Variants in PRKD1 observed in about 807,000 individuals in gnomAD.
PRKD1 encodes serine/threonine-protein kinase D1.
PRKD1 carries 63 observed loss-of-function variants against 95.9 expected under a neutral mutation model. That is an observed-to-expected ratio of 0.66 (90% CI 0.54 to 0.81). The LOEUF (loss-of-function observed/expected upper bound fraction) is 0.81, where lower values mean the gene tolerates loss of function less well. Ranked by LOEUF, PRKD1 falls within the 30% of genes least tolerant of loss-of-function variation. PRKD1 has a pLI of 0.00. For synonymous variants in PRKD1, 425 were observed against 423.1 expected, an observed-to-expected ratio of 1.00 and a Z score of -0.05; for missense variants, 1,048 against 1,165.3, an observed-to-expected ratio of 0.90 and a Z score of 1.47.
At chr14:29,751,676 G>T (rs1012516604) in intron 1 of PRKD1, among the ~76,000 whole-genome samples, 1 of 152,154 alleles carries the variant, frequency 6.6e-6, no homozygotes, top group Non-Finnish European at 1.5e-5. Flanking sequence ...ACGATGGATT[G>T]AATATATACA....
At chr14:29,806,776 A>G (rs1410300790) in intron 1 of PRKD1, among the ~76,000 whole-genome samples, 1 of 152,198 alleles carries the variant, frequency 6.6e-6, no homozygotes, top group African/African-American at 2.4e-5. Flanking sequence ...ACAGGCACCA[A>G]AACAGACATA....
intron 1 of PRKD1, among the ~76,000 whole-genome samples, chr14:29,802,289 C>T (rs1890067257): frequency 6.6e-6 from 1 of 151,996 alleles, no homozygotes; most frequent in Non-Finnish European, 1.5e-5. Context: ...TTGCCAATAA[C>T]CATAATACAA....
intron 13 of PRKD1, among the ~76,000 whole-genome samples, chr14:29,607,313 CT>C (rs1878053057): frequency 6.6e-6 from 1 of 152,068 alleles, no homozygotes; most frequent in African/African-American, 2.4e-5. Context: ...TTTCCCCTTA[CT>C]GTGTGTGTGT....
At chr14:29,643,419 C>T (rs1880928567) in intron 4 of PRKD1, among the ~76,000 whole-genome samples, 1 of 152,130 alleles carries the variant, frequency 6.6e-6, no homozygotes, top group Non-Finnish European at 1.5e-5. Context: ...GCATCTTTAA[C>T]ATTCTTACAC....
chr14:29,668,840 T>G (rs1032957822), intron 2 of PRKD1, among the ~76,000 whole-genome samples: 2 of 152,214 alleles, frequency 1.3e-5, no homozygotes, highest in African/African-American at 4.8e-5. Flanking sequence ...GAGGAAATGC[T>G]TAAGCAATCT....
At chr14:29,865,602 T>G (rs1892868268) in intron 1 of PRKD1, among the ~76,000 whole-genome samples, 1 of 152,208 alleles carries the variant, frequency 6.6e-6, no homozygotes, top group African/African-American at 2.4e-5. Flanking sequence ...CATGGGATGA[T>G]GAGGCACAAA....
chr14:29,699,952 A>G (rs900021530), intron 2 of PRKD1, among the ~76,000 whole-genome samples: 1 of 152,124 alleles, frequency 6.6e-6, no homozygotes, highest in Non-Finnish European at 1.5e-5. Flanking sequence ...TTCTTTTGGA[A>G]TGTATTCTTT....
intron 2 of PRKD1, among the ~76,000 whole-genome samples, chr14:29,691,617 AAAAGTTATTAGGTTGGTG>A (rs1884240448): frequency 6.6e-6 from 1 of 152,146 alleles, no homozygotes; most frequent in Non-Finnish European, 1.5e-5. Flanking sequence ...AGGTTGGTGC[AAAAGTTATTAGGTTGGTG>A]CAAAAGTAAT....
intron 2 of PRKD1, among the ~76,000 whole-genome samples, chr14:29,714,884 C>A (rs1885521276): frequency 6.6e-6 from 1 of 152,096 alleles, no homozygotes; most frequent in African/African-American, 2.4e-5. Context: ...CGCATGTTCT[C>A]ACTCATAAGT....
At chr14:29,646,533 T>TTAGA (rs3837586) in intron 4 of PRKD1, among the ~76,000 whole-genome samples, 4,910 of 150,124 alleles carry the variant, frequency 0.033, 101 homozygotes, top group East Asian at 0.086. Context: ...CTCACAAAAA[T>TTAGA]TAGATAGATA....
At chr14:29,603,985 G>A (rs1034411243) in intron 13 of PRKD1, among the ~76,000 whole-genome samples, 2 of 152,102 alleles carry the variant, frequency 1.3e-5, no homozygotes, top group Non-Finnish European at 2.9e-5. Flanking sequence ...TGCCTGGGAG[G>A]AAATATCGTT....
chr14:29,903,338 T>G (rs1894385027), intron 1 of PRKD1, among the ~76,000 whole-genome samples: 1 of 152,178 alleles, frequency 6.6e-6, no homozygotes, highest in Admixed American at 6.5e-5. Flanking sequence ...GACCCTTTAA[T>G]ATAACTTGGT....
At chr14:29,660,688 G>C (rs1882141059) in intron 4 of PRKD1, among the ~76,000 whole-genome samples, 1 of 151,996 alleles carries the variant, frequency 6.6e-6, no homozygotes, top group Non-Finnish European at 1.5e-5. Context: ...AATTGGCTTT[G>C]ACTTTTCCCA....
At chr14:29,855,039 G>A (rs771200632) in intron 1 of PRKD1, among the ~76,000 whole-genome samples, 2 of 152,236 alleles carry the variant, frequency 1.3e-5, no homozygotes, top group African/African-American at 4.8e-5. Flanking sequence ...TGCAGGGGCA[G>A]GGCCCTCATT....
intron 1 of PRKD1, among the ~76,000 whole-genome samples, chr14:29,904,243 A>C (rs1009721229): frequency 2.0e-5 from 3 of 152,208 alleles, no homozygotes; most frequent in African/African-American, 7.2e-5. Flanking sequence ...TGATTAAGAA[A>C]AAAGTTAAAA....
At chr14:29,590,658 A>G (rs544102545) in intron 16 of PRKD1, among the ~76,000 whole-genome samples, 48 of 152,366 alleles carry the variant, frequency 3.2e-4, no homozygotes, top group Non-Finnish European at 5.6e-4. Context: ...GGAGTAATTT[A>G]TAAACATTAA....
Position 29,660,403 on chromosome 14 carries a change from A to T in PRKD1, c.696+3296T>A, listed in dbSNP as rs149738960. On this transcript the variant is annotated intron_variant, in intron 4 of 17. Transcript: ENST00000331968. ...GGGGTGCTCAACCTCAGCACTATTG[A>T]CATTTTGGGTTGGATACTTCTTCAT... 1.4e-3 allele frequency among the ~76,000 whole-genome samples: 213 copies of T among 152,244 alleles called. 1 individual carries two copies. Among genetic ancestry groups the T allele is most frequent in the African/African-American group, 4.9e-3 (204 of 41,552 alleles).
chr14:29,614,972 A>T (rs900583459), intron 13 of PRKD1, among the ~76,000 whole-genome samples: 3 of 149,376 alleles, frequency 2.0e-5, no homozygotes, highest in Non-Finnish European at 4.4e-5. Flanking sequence ...TCGGCCTCCC[A>T]AAGTGCTTGG....
intron 1 of PRKD1, among the ~76,000 whole-genome samples, chr14:29,916,165 G>A (rs1440871257): frequency 1.3e-5 from 2 of 152,256 alleles, no homozygotes; most frequent in East Asian, 1.9e-4. Flanking sequence ...CATGACCCAA[G>A]GCTCCTGGGA....
Sources: gnomAD v4.1 joint callset for allele counts (sites outside exome capture counted in the v4.1 genomes callset) on GRCh38, gnomAD v4.1.1 for gene constraint, MANE v1.5 for transcripts, NCBI Gene and HGNC (gene_info 2026-07-23, HGNC 2026-07-21) for gene names.